The following DNER variants were observed in gnomAD, a reference collection of about 807,000 sequenced individuals.
The protein encoded by DNER is delta/notch like EGF repeat containing.
A neutral mutation model predicts 78.2 loss-of-function variants in DNER; 33 were observed. The observed-to-expected ratio is 0.42, with a 90% CI of 0.32 to 0.56. The LOEUF (loss-of-function observed/expected upper bound fraction) is 0.56. Ranked by LOEUF, DNER falls within the 20% of genes least tolerant of loss-of-function variation. DNER has a pLI of 0.11. For synonymous variants in DNER, 417 were observed against 384.8 expected (o/e 1.08, Z -0.98); for missense variants, 918 against 975.3 (o/e 0.94, Z 0.78).
At chr2:229,606,235 T>C (rs1697934184) in intron 1 of DNER, 1 of 152,106 alleles carries the variant, frequency 6.6e-6, no homozygotes, top group Non-Finnish European at 1.5e-5. Flanking sequence ...AAAAATCACA[T>C]GGGAGTGTTC....
At chr2:229,605,795 G>A (rs1411904229) in intron 1 of DNER, among the ~76,000 whole-genome samples, 1 of 152,142 alleles carries the variant, frequency 6.6e-6, no homozygotes, top group African/African-American at 2.4e-5. Flanking sequence ...GAGGGGCTGA[G>A]GAGGGAGGAT....
chr2:229,690,489 A>G (rs1011158326), intron 1 of DNER, among the ~76,000 whole-genome samples: 1 of 152,220 alleles, frequency 6.6e-6, no homozygotes, highest in Non-Finnish European at 1.5e-5. Flanking sequence ...GCCCAATGCC[A>G]GGATCTGAAT....
At chr2:229,571,736 C>G (rs1197094994) in intron 4 of DNER, among the ~76,000 whole-genome samples, 1 of 152,052 alleles carries the variant, frequency 6.6e-6, no homozygotes, top group Admixed American at 6.6e-5. Context: ...ATGAGACCTC[C>G]CCCCCTGAAA....
At chr2:229,700,681 G>A (rs913655690) in intron 1 of DNER, among the ~76,000 whole-genome samples, 2 of 151,868 alleles carry the variant, frequency 1.3e-5, no homozygotes, top group Non-Finnish European at 1.5e-5. Context: ...TTGGGAGGCC[G>A]AGGTGGGCAG....
intron 5 of DNER, among the ~76,000 whole-genome samples, chr2:229,541,924 ATTATAT>A (rs1192780996): frequency 3.4e-5 from 5 of 146,882 alleles, no homozygotes; most frequent in East Asian, 3.9e-4. Context: ...ATATTTATAA[ATTATAT>A]TTATATTTAT....
intron 4 of DNER, among the ~76,000 whole-genome samples, chr2:229,581,011 T>A (rs1156941374): frequency 2.0e-5 from 3 of 152,044 alleles, no homozygotes; most frequent in Non-Finnish European, 4.4e-5. Context: ...CCAGTGGGGA[T>A]GGGGCCGGCA....
At chr2:229,405,120 T>C (rs1369759812) in intron 10 of DNER, among the ~76,000 whole-genome samples, 1 of 152,140 alleles carries the variant, frequency 6.6e-6, no homozygotes, top group Non-Finnish European at 1.5e-5. Flanking sequence ...AGGATATGAA[T>C]AGAGAGTTCA....
intron 4 of DNER, among the ~76,000 whole-genome samples, chr2:229,576,808 A>G (rs1404644011): frequency 6.6e-6 from 1 of 151,352 alleles, no homozygotes; most frequent in East Asian, 1.9e-4. Flanking sequence ...CTACACGGAG[A>G]AGAACCAGTG....
At chr2:229,675,351 C>G (rs897854413) in intron 1 of DNER, among the ~76,000 whole-genome samples, 1 of 152,166 alleles carries the variant, frequency 6.6e-6, no homozygotes, top group African/African-American at 2.4e-5. Context: ...CCACTCTCTG[C>G]CAACCTCAAC....
At chr2:229,491,156 T>C (rs1011991949) in intron 6 of DNER, among the ~76,000 whole-genome samples, 22 of 152,216 alleles carry the variant, frequency 1.4e-4, no homozygotes, top group African/African-American at 4.1e-4. Context: ...TCTCGGGCAC[T>C]GTGCTCCGGC....
chr2:229,667,842 G>A (rs1451681547), intron 1 of DNER, among the ~76,000 whole-genome samples: 1 of 152,220 alleles, frequency 6.6e-6, no homozygotes, highest in Non-Finnish European at 1.5e-5. Flanking sequence ...ACAACAGCAA[G>A]GAGTGATAAT....
At chr2:229,696,628 G>T (rs1699666332) in intron 1 of DNER, among the ~76,000 whole-genome samples, 1 of 152,152 alleles carries the variant, frequency 6.6e-6, no homozygotes, top group Admixed American at 6.5e-5. Flanking sequence ...TACTGGAGTG[G>T]AGGGGCAGCA....
chr2:229,675,416 ATTCAG>A (rs1175506341), intron 1 of DNER, among the ~76,000 whole-genome samples: 2 of 152,114 alleles, frequency 1.3e-5, no homozygotes, highest in East Asian at 3.8e-4. Context: ...ATTTATTTTG[ATTCAG>A]TTCAAAGAAT....
At chr2:229,523,442 C>T (rs1696141133) in intron 5 of DNER, among the ~76,000 whole-genome samples, 1 of 152,302 alleles carries the variant, frequency 6.6e-6, no homozygotes, top group East Asian at 1.9e-4. Flanking sequence ...TGCCCGTGGC[C>T]ATCTCCTCCC....
At chr2:229,616,854 C>T (rs538366212) in intron 1 of DNER, among the ~76,000 whole-genome samples, 59 of 152,302 alleles carry the variant, frequency 3.9e-4, no homozygotes, top group Middle Eastern at 3.4e-3. Context: ...TATCTGGACA[C>T]GTGGCTTGTC....
At chr2:229,423,388 G>T (rs925316818) in intron 8 of DNER, among the ~76,000 whole-genome samples, 1 of 152,082 alleles carries the variant, frequency 6.6e-6, no homozygotes, top group Non-Finnish European at 1.5e-5. Context: ...GCTGAGGCAG[G>T]TGGATCACTT....
chr2:229,519,910 G>A (rs948207079), intron 5 of DNER, among the ~76,000 whole-genome samples: 5 of 152,190 alleles, frequency 3.3e-5, no homozygotes, highest in African/African-American at 1.2e-4. Context: ...CTGATTCTAA[G>A]TTCCTGTAAT....
At chr2:229,711,543 T>C (rs879460330) in intron 1 of DNER, among the ~76,000 whole-genome samples, 16 of 152,206 alleles carry the variant, frequency 1.1e-4, no homozygotes, top group Non-Finnish European at 1.9e-4. Context: ...ACATCCTTTT[T>C]TAAAAAAGCC....
At chr2:229,531,709 G>C (rs1295335395) in intron 5 of DNER, among the ~76,000 whole-genome samples, 1 of 152,124 alleles carries the variant, frequency 6.6e-6, no homozygotes, top group African/African-American at 2.4e-5. Flanking sequence ...TACTTGTACA[G>C]ACATGTTCAT....
Sources: gnomAD v4.1 joint callset for allele counts (sites outside exome capture counted in the v4.1 genomes callset) on GRCh38, gnomAD v4.1.1 for gene constraint, MANE v1.5 for transcripts, NCBI Gene and HGNC (gene_info 2026-07-23, HGNC 2026-07-21) for gene names.